RGS17: variants seen among roughly 807,000 people sequenced by gnomAD.
RGS17 encodes the protein regulator of G protein signaling 17.
RGS17 carries 12 observed loss-of-function variants against 25.5 expected under a neutral mutation model. That is an observed-to-expected ratio of 0.47 (90% CI 0.30 to 0.76). The LOEUF is 0.76. Ranked by LOEUF, RGS17 falls within the 30% of genes least tolerant of loss-of-function variation. RGS17 has a pLI of 0.07. For missense variants in RGS17, 196 were observed against 242.2 expected (o/e 0.81, Z 1.27); for synonymous variants, 71 against 76.9 (o/e 0.92, Z 0.40).
intron 1 of RGS17, among the ~76,000 whole-genome samples, chr6:153,069,438 G>A (rs1278631274): frequency 6.6e-6 from 1 of 152,072 alleles, no homozygotes; most frequent in Non-Finnish European, 1.5e-5. Flanking sequence ...GTAGAGGGAT[G>A]GTTACCAGAG....
chr6:153,115,383 A>G (rs536323591), intron 1 of RGS17, among the ~76,000 whole-genome samples: 5 of 152,354 alleles, frequency 3.3e-5, no homozygotes, highest in Admixed American at 1.3e-4. Context: ...AGGGATGTGA[A>G]GGACCTCTTC....
chr6:153,074,290 A>G (rs945273644), intron 1 of RGS17, among the ~76,000 whole-genome samples: 1 of 113,400 alleles, frequency 8.8e-6, no homozygotes, highest in Non-Finnish European at 1.8e-5. Context: ...GTTCATTTAT[A>G]CACAATCAGC....
intron 1 of RGS17, among the ~76,000 whole-genome samples, chr6:153,057,948 C>T (rs186417965): frequency 6.6e-6 from 1 of 152,274 alleles, no homozygotes; most frequent in East Asian, 1.9e-4. Context: ...TGCTCACCTC[C>T]TACTATGTAT....
At chr6:153,052,629 ATAGT>A (rs71017571) in intron 1 of RGS17, among the ~76,000 whole-genome samples, 58,079 of 151,454 alleles carry the variant, frequency 0.38, 11,758 homozygotes, top group East Asian at 0.62. Flanking sequence ...GATTTAGATG[ATAGT>A]TAGATAAGAC....
intron 1 of RGS17, among the ~76,000 whole-genome samples, chr6:153,120,023 T>C (rs1466109984): frequency 6.6e-6 from 1 of 152,224 alleles, no homozygotes; most frequent in Non-Finnish European, 1.5e-5. Context: ...AATTATTTTG[T>C]TTTGTAAGTG....
chr6:153,026,179 C>A (rs894418542), intron 3 of RGS17, among the ~76,000 whole-genome samples: 19 of 152,008 alleles, frequency 1.2e-4, no homozygotes, highest in African/African-American at 4.4e-4. Context: ...TGAATTAGGG[C>A]AATTTTGGGT....
chr6:153,120,722 T>A (rs1447149243), intron 1 of RGS17, among the ~76,000 whole-genome samples: 1 of 152,234 alleles, frequency 6.6e-6, no homozygotes, highest in Non-Finnish European at 1.5e-5. Flanking sequence ...GTCTTCTTTT[T>A]TAGCCTTATC....
At chr6:153,033,480 G>T (rs975155792) in intron 2 of RGS17, among the ~76,000 whole-genome samples, 3 of 152,192 alleles carry the variant, frequency 2.0e-5, no homozygotes, top group Non-Finnish European at 4.4e-5. Context: ...CACTTTGGGA[G>T]GCCAAGGTGG....
intron 2 of RGS17, among the ~76,000 whole-genome samples, chr6:153,037,750 A>G (rs1217994732): frequency 2.0e-5 from 3 of 152,116 alleles, no homozygotes; most frequent in Non-Finnish European, 4.4e-5. Context: ...AATGCATGAA[A>G]CTTCAGTTAT....
At chr6:153,064,499 G>A (rs528441265) in intron 1 of RGS17, among the ~76,000 whole-genome samples, 7 of 151,876 alleles carry the variant, frequency 4.6e-5, no homozygotes, top group Non-Finnish European at 7.4e-5. Flanking sequence ...GTGTGGTGGC[G>A]GACGCCTGTA....
At chr6:153,020,111 A>ATATATATATATATATATATATAT (rs1554235102) in intron 4 of RGS17, among the ~76,000 whole-genome samples, 1 of 58,460 alleles carries the variant, frequency 1.7e-5, no homozygotes, top group Admixed American at 2.8e-4. Context: ...AAAAAAAAAA[A>ATATATATATATATATATATATAT]ATATATATAT....
At chr6:153,123,079 C>T (rs753532341) in intron 1 of RGS17, among the ~76,000 whole-genome samples, 6 of 97,632 alleles carry the variant, frequency 6.1e-5, no homozygotes, top group African/African-American at 2.1e-4. Flanking sequence ...ATTCACAACA[C>T]GGCATTCAGT....
intron 2 of RGS17, among the ~76,000 whole-genome samples, chr6:153,029,740 GCC>G (rs1779342244): frequency 6.6e-6 from 1 of 151,938 alleles, no homozygotes; most frequent in Non-Finnish European, 1.5e-5. Context: ...ACAGGCACCC[GCC>G]ACCATGCCCA....
intron 1 of RGS17, among the ~76,000 whole-genome samples, chr6:153,120,711 T>C (rs1321964569): frequency 6.6e-6 from 1 of 152,232 alleles, no homozygotes; most frequent in Non-Finnish European, 1.5e-5. Context: ...TGCCAGTATA[T>C]GTCTTCTTTT....
intron 1 of RGS17, among the ~76,000 whole-genome samples, chr6:153,053,077 G>C (rs1776485117): frequency 6.6e-6 from 1 of 152,138 alleles, no homozygotes; most frequent in Non-Finnish European, 1.5e-5. Context: ...CTGTTGTTAA[G>C]TTATCCAGCT....
intron 1 of RGS17, among the ~76,000 whole-genome samples, chr6:153,116,471 G>A (rs977366044): frequency 6.6e-6 from 1 of 152,172 alleles, no homozygotes; most frequent in Non-Finnish European, 1.5e-5. Context: ...TTACACTGTT[G>A]GTGGGAGTGT....
chr6:153,119,268 C>T (rs1777588481), intron 1 of RGS17, among the ~76,000 whole-genome samples: 1 of 152,196 alleles, frequency 6.6e-6, no homozygotes, highest in African/African-American at 2.4e-5. Flanking sequence ...GTAGTTCATT[C>T]ACCCTCCCAG....
intron 1 of RGS17, among the ~76,000 whole-genome samples, chr6:153,079,675 T>C (rs780463583): frequency 1.3e-5 from 2 of 152,192 alleles, no homozygotes; most frequent in African/African-American, 2.4e-5. Context: ...TGATCTCTTA[T>C]CTTTTCTATA....
intron 1 of RGS17, among the ~76,000 whole-genome samples, chr6:153,057,319 A>C (rs1342125167): frequency 6.6e-6 from 1 of 152,162 alleles, no homozygotes; most frequent in South Asian, 2.1e-4. Flanking sequence ...TGAATTGGAA[A>C]AGAAATGAGT....
Sources: allele counts gnomAD v4.1 joint callset (sites outside exome capture counted in the v4.1 genomes callset), GRCh38; gene constraint gnomAD v4.1.1; transcripts MANE v1.5; gene names NCBI Gene and HGNC (gene_info 2026-07-23, HGNC 2026-07-21).